Variants in RBM19 observed in about 807,000 individuals in gnomAD.
The protein encoded by RBM19 is RNA binding motif protein 19.
A neutral mutation model predicts 116.8 loss-of-function variants in RBM19; 94 were observed. That is an observed-to-expected ratio of 0.80 (90% CI 0.68 to 0.95). RBM19 has a LOEUF of 0.95. RBM19 is among the 40% of genes least tolerant of loss of function. RBM19 has a pLI of 0.00. For missense variants in RBM19, 1,161 were observed against 1,220.7 expected (o/e 0.95, Z 0.73); for synonymous variants, 475 against 494.1 (o/e 0.96, Z 0.51).
intron 6 of RBM19, among the ~76,000 whole-genome samples, 193 bp downstream of exon 6, chr12:113,957,589 A>AAAAT (rs375451119): frequency 6.6e-6 from 1 of 150,904 alleles, no homozygotes; most frequent in Non-Finnish European, 1.5e-5. Context: ...AAAATAAAAT[A>AAAAT]AAAATAAAAA....
chr12:113,947,308 C>CT, intron 11 of RBM19, 26 bp downstream of exon 11: 1 of 1,566,346 alleles, frequency 6.4e-7, no homozygotes, highest in Non-Finnish European at 8.7e-7. Context: ...CCACAGCCTC[C>CT]TGGCCAGCCC....
chr12:113,962,348 A>C lies in RBM19; in HGVS notation c.103T>G (p.Phe35Val). Residue 35 changes from phenylalanine (F) to valine (V), a missense_variant, in exon 2 of 24, where the codon TTC becomes GTC. Transcript: ENST00000261741. ...FGTLTDCSLKFTKDGKFRKFG... is the reference protein window; with the variant it reads ...FGTLTDCSLKVTKDGKFRKFG... ...TTGCGGAACTTGCCATCTTTGGTGA[A>C]CTTCAGGCTGCAGTCTGTCAGCGTG... The C allele has an allele frequency of 6.2e-7, 1 of 1,614,236 alleles. No individual in the cohort carries two copies. The highest frequency in any genetic ancestry group is 8.5e-7 in the Non-Finnish European group (1 of 1,180,032).
chr12:113,837,412 A>G (rs1202500368), intron 23 of RBM19, among the ~76,000 whole-genome samples: 1 of 152,218 alleles, frequency 6.6e-6, no homozygotes, highest in Non-Finnish European at 1.5e-5. Flanking sequence ...AACTCAGAAA[A>G]GGAAGAGTGA....
intron 21 of RBM19, among the ~76,000 whole-genome samples, chr12:113,859,425 A>G (rs937989608): frequency 2.6e-5 from 4 of 152,180 alleles, no homozygotes; most frequent in Admixed American, 1.3e-4. Context: ...GACCTGGGAC[A>G]TGTATTTCTT....
At chr12:113,820,422 G>A (rs565731114), downstream of RBM19, among the ~76,000 whole-genome samples, 72 of 152,092 alleles carry the variant, frequency 4.7e-4, no homozygotes, top group Non-Finnish European at 8.5e-4. Flanking sequence ...GAGGCAGCTC[G>A]AGGGCCCTGG....
intron 21 of RBM19, among the ~76,000 whole-genome samples, chr12:113,868,669 A>G (rs759579002): frequency 2.0e-5 from 3 of 152,208 alleles, no homozygotes; most frequent in Non-Finnish European, 4.4e-5. Context: ...CTGGTATTCC[A>G]TGGAATACAG....
At chr12:113,818,546 T>C (rs1874206646), downstream of RBM19, among the ~76,000 whole-genome samples, 1 of 151,748 alleles carries the variant, frequency 6.6e-6, no homozygotes, top group Admixed American at 6.6e-5. Context: ...AAGCTTGCCT[T>C]GTTTTGAAGT....
chr12:113,915,238 G>A (rs1056179345), intron 20 of RBM19, among the ~76,000 whole-genome samples, 153 bp from the exon 21 acceptor site: 1 of 152,134 alleles, frequency 6.6e-6, no homozygotes, highest in Non-Finnish European at 1.5e-5. Flanking sequence ...GAGGAAGGCC[G>A]TCTCCCACCA....
intron 21 of RBM19, among the ~76,000 whole-genome samples, chr12:113,912,155 C>T (rs1042538066): frequency 1.3e-5 from 2 of 152,180 alleles, no homozygotes; most frequent in Non-Finnish European, 2.9e-5. Context: ...GCCCCAGGCA[C>T]TGCTGCCTCG....
rs1874550004 is a variant in RBM19, at chr12:113,823,097, C to G, written c.*127G>C. The G allele has an allele frequency of 5.0e-6, 4 of 792,594 alleles. No homozygotes were observed. Among genetic ancestry groups the G allele is most frequent in the South Asian group, 3.5e-5 (2 of 56,346 alleles). 49.1% of individuals were successfully genotyped at this position (792,594 alleles called of 1,614,324 possible). ...TCCCCTGTCTCCTCCGACCTTGGACCAGTGCAGGGTGGGGCCGCCTGCCGC... is the reference window on the plus strand; with the variant it reads ...TCCCCTGTCTCCTCCGACCTTGGACGAGTGCAGGGTGGGGCCGCCTGCCGC... On this transcript the variant is annotated 3_prime_UTR_variant, in exon 24 of 24. Transcript: ENST00000261741.
intron 22 of RBM19, among the ~76,000 whole-genome samples, chr12:113,850,238 AG>A (rs1389510393): frequency 4.6e-5 from 7 of 152,202 alleles, no homozygotes; most frequent in Non-Finnish European, 1.0e-4. Context: ...ACCGGGGGAC[AG>A]GTGGATTTCC....
At chr12:113,921,659 T>C (rs1208023421) in intron 18 of RBM19, among the ~76,000 whole-genome samples, 1 of 152,190 alleles carries the variant, frequency 6.6e-6, no homozygotes, top group East Asian at 1.9e-4. Context: ...CAGACAGAAC[T>C]GACAGCCAGT....
intron 19 of RBM19, among the ~76,000 whole-genome samples, chr12:113,918,931 C>T (rs751073925): frequency 6.6e-6 from 1 of 152,212 alleles, no homozygotes; most frequent in Non-Finnish European, 1.5e-5. Context: ...CCATAAAATA[C>T]AGCACACAGA....
In RBM19 at chr12:113,948,872, T is replaced by G; in HGVS notation, c.1237A>C (p.Ser413Arg). The part of the protein sequence containing the change: ...RLFVRNLPYT[S>R]TEEDLEKLFS... ...AGCTTCTCCAGATCCTCCTCGGTGC[T>G]GGTGTAGGGCAGGTTCCGTACAAAG... The change falls in exon 10 of 24, where the codon AGC becomes CGC. Residue 413 changes from serine (S) to arginine (R), a missense_variant. Coordinates refer to ENST00000261741, the MANE Select transcript of RBM19 (RefSeq NM_016196.4). 6.2e-7 allele frequency: 1 copy of G among 1,614,214 alleles called. No homozygotes were observed. The highest frequency in any genetic ancestry group is 1.7e-5 in the Admixed American group (1 of 60,026).
chr12:113,853,523 T>A (rs1029589314), intron 22 of RBM19, among the ~76,000 whole-genome samples: 6 of 152,192 alleles, frequency 3.9e-5, no homozygotes, highest in Non-Finnish European at 7.3e-5. Context: ...AAATTAATAT[T>A]CTGGCTTCTG....
chr12:113,948,905 C>G lies in RBM19; in HGVS notation c.1204G>C (p.Gly402Arg). 6.2e-7 allele frequency: 1 copy of G among 1,614,196 alleles called. No individual in the cohort carries two copies. Among genetic ancestry groups the G allele is most frequent in the Non-Finnish European group, 8.5e-7 (1 of 1,180,034 alleles). Residue 402 changes from glycine to arginine, a missense_variant, in exon 10 of 24, where the codon GGA (glycine) becomes CGA (arginine). Coordinates refer to ENST00000261741, the MANE Select transcript of RBM19 (RefSeq NM_016196.4). ...NEEEEDLAES[G>R]RLFVRNLPYT... Reference sequence around the variant, plus strand: ...GGCAGGTTCCGTACAAAGAGCCTTCCGGATTCGGCCAGGTCCTCCTCCTCT... The same window carrying G: ...GGCAGGTTCCGTACAAAGAGCCTTCGGGATTCGGCCAGGTCCTCCTCCTCT...
Position 113,931,000 on chromosome 12 carries a change from A to G in RBM19, c.2069-3771T>C, listed in dbSNP as rs187963002. ...CTCCCCTAATACCAAAAATACATACACAAACAAAAACCCCAAAGTCATGCT... is the reference window on the plus strand; with the variant it reads ...CTCCCCTAATACCAAAAATACATACGCAAACAAAAACCCCAAAGTCATGCT... On this transcript the variant is annotated intron_variant, in intron 16 of 23. Transcript: ENST00000261741. Among the ~76,000 whole-genome samples, 4 of 152,236 alleles carry G rather than the reference A, an allele frequency of 2.6e-5. No individual in the cohort carries two copies. The East Asian group carries it at 7.7e-4, about 29-fold the overall frequency.
At chr12:113,826,539 G>A (rs1454608237) in intron 23 of RBM19, among the ~76,000 whole-genome samples, 1 of 152,172 alleles carries the variant, frequency 6.6e-6, no homozygotes, top group Non-Finnish European at 1.5e-5. Context: ...CTCACATGAC[G>A]GAGACACCTG....
chr12:113,831,771 A>G (rs1250408183), intron 23 of RBM19, among the ~76,000 whole-genome samples: 1 of 152,204 alleles, frequency 6.6e-6, no homozygotes, highest in Admixed American at 6.5e-5. Context: ...AGTGTGCGGG[A>G]TATTGCCGAA....
Sources: gnomAD v4.1 joint callset for allele counts (sites outside exome capture counted in the v4.1 genomes callset) on GRCh38, gnomAD v4.1.1 for gene constraint, MANE v1.5 for transcripts, NCBI Gene and HGNC (gene_info 2026-07-23, HGNC 2026-07-21) for gene names.